The following PTGFR variants were observed in gnomAD, a reference collection of about 807,000 sequenced individuals.
PTGFR encodes the protein prostaglandin F2-alpha receptor.
A neutral mutation model predicts 26.2 loss-of-function variants in PTGFR; 15 were observed. The ratio of observed to expected loss-of-function variants is 0.57; its 90% CI spans 0.38 to 0.88. PTGFR has a LOEUF of 0.88. PTGFR is among the 40% of genes least tolerant of loss of function. The probability of loss-of-function intolerance (pLI) is 0.00; values close to 1 mark genes in which losing one functional copy is unlikely to be tolerated. For missense variants in PTGFR, 369 were observed against 427.2 expected (o/e 0.86, Z 1.20); for synonymous variants, 165 against 151.1 (o/e 1.09, Z -0.68).
intron 2 of PTGFR, among the ~76,000 whole-genome samples, chr1:78,526,538 CA>C (rs1402932535): frequency 6.6e-6 from 1 of 152,042 alleles, no homozygotes; most frequent in Non-Finnish European, 1.5e-5. Context: ...ACCTGGACGG[CA>C]GGATGAGAAC....
intron 2 of PTGFR, among the ~76,000 whole-genome samples, chr1:78,529,072 A>G (rs911822502): frequency 6.6e-6 from 1 of 152,212 alleles, no homozygotes; most frequent in African/African-American, 2.4e-5. Flanking sequence ...TAATTATTGT[A>G]CCACAACTTT....
chr1:78,529,859 T>C (rs913332440), intron 2 of PTGFR, among the ~76,000 whole-genome samples: 18 of 152,152 alleles, frequency 1.2e-4, no homozygotes, highest in African/African-American at 3.6e-4. Context: ...GTGGCGGCAT[T>C]AGATTCTCAT....
At chr1:78,523,589 G>A (rs189056393) in intron 2 of PTGFR, among the ~76,000 whole-genome samples, 3 of 141,534 alleles carry the variant, frequency 2.1e-5, no homozygotes, top group East Asian at 2.2e-4. Flanking sequence ...TCTGGCACAG[G>A]TAGGGTGGAT....
In PTGFR at chr1:78,493,426, T is replaced by C. The variant is rs1367159636; in HGVS notation, c.683T>C (p.Leu228Ser). ...AATGCAATCACAGGAATTACACTTT[T>C]AAGAGTTAAATTTAAAAGTCAGCAG... ...LCNAITGITL[L>S]RVKFKSQQHR... is the part of the protein sequence containing the mutation. Residue 228 changes from leucine to serine, a missense_variant, in exon 2 of 3, where the codon TTA (leucine) becomes TCA (serine). Coordinates refer to ENST00000370757, the MANE Select transcript of PTGFR (RefSeq NM_000959.4). 3 of 1,613,140 alleles carry C rather than the reference T, an allele frequency of 1.9e-6. No individual in the cohort carries two copies.
At chr1:78,513,208 C>CAGA (rs1650014251) in intron 2 of PTGFR, among the ~76,000 whole-genome samples, 1 of 152,004 alleles carries the variant, frequency 6.6e-6, no homozygotes, top group South Asian at 2.1e-4. Flanking sequence ...TTGGAGGGCT[C>CAGA]AGAAGAACAT....
Position 78,493,171 on chromosome 1 carries a change from A to G in PTGFR, c.428A>G (p.His143Arg). 1.2e-6 allele frequency: 2 copies of G among 1,614,196 alleles called. No homozygotes were observed. Among genetic ancestry groups the G allele is most frequent in the Non-Finnish European group, 1.7e-6 (2 of 1,180,034 alleles). ...ATTGGAGTCACAAAACCAATATTTC[A>G]TTCTACGAAAATTACATCCAAACAT... is the stretch of plus-strand genomic sequence containing the variant. ...RCIGVTKPIFHSTKITSKHVK... is the reference protein window; with the variant it reads ...RCIGVTKPIFRSTKITSKHVK... Residue 143 changes from histidine (H) to arginine (R), a missense_variant, in exon 2 of 3, where the codon CAT (histidine) becomes CGT (arginine). Physicochemically the swap from His to Arg is conservative, Grantham distance 29 (BLOSUM62 0). Transcript: ENST00000370757.
At position 78,492,748 on chromosome 1, in the gene PTGFR, C is replaced by G. The variant is rs1278137574; in HGVS notation, c.5C>G (p.Ser2Cys). 1 of 1,610,324 alleles carries G rather than the reference C, an allele frequency of 6.2e-7. No homozygotes were observed. The highest frequency in any genetic ancestry group is 8.5e-7 in the Non-Finnish European group (1 of 1,178,084). Residue 2 changes from serine to cysteine, a missense_variant, in exon 2 of 3, where the codon TCC becomes TGC. By Grantham distance (112) the Ser-to-Cys change is moderately radical (BLOSUM62 -1). Transcript: ENST00000370757. The stretch of plus-strand genomic sequence containing the variant: ...TTGGCTTTTATCTCCACAACAATGT[C>G]CATGAACAATTCCAAACAGCTAGTG... MSMNNSKQLVSP... is the reference protein window; with the variant it reads MCMNNSKQLVSP...
intron 2 of PTGFR, among the ~76,000 whole-genome samples, chr1:78,534,900 A>G (rs1650608752): frequency 6.6e-6 from 1 of 152,216 alleles, no homozygotes; most frequent in Non-Finnish European, 1.5e-5. Flanking sequence ...TACTAATGAT[A>G]AAGGATATTT....
intron 2 of PTGFR, among the ~76,000 whole-genome samples, chr1:78,525,521 G>C (rs1174715859): frequency 6.6e-6 from 1 of 151,888 alleles, no homozygotes; most frequent in Non-Finnish European, 1.5e-5. Flanking sequence ...TATATTAATG[G>C]GTATCATCAA....
chr1:78,496,780 T>A (rs1038231347), intron 2 of PTGFR, among the ~76,000 whole-genome samples: 6 of 152,202 alleles, frequency 3.9e-5, no homozygotes, highest in Non-Finnish European at 8.8e-5. Context: ...ATCATAATGT[T>A]TGAATTCTCT....
At chr1:78,498,146 C>T (rs1279667906) in intron 2 of PTGFR, among the ~76,000 whole-genome samples, 2 of 152,120 alleles carry the variant, frequency 1.3e-5, no homozygotes, top group East Asian at 3.9e-4. Context: ...TTCATAATGA[C>T]CAAGTCTTAA....
intron 2 of PTGFR, among the ~76,000 whole-genome samples, chr1:78,508,102 A>AT (rs1429671636): frequency 2.0e-5 from 3 of 151,724 alleles, no homozygotes; most frequent in East Asian, 1.9e-4. Flanking sequence ...TTTTAACCTG[A>AT]TTTTTTTTAA....
At position 78,504,773 on chromosome 1, in the gene PTGFR, G is replaced by A. The variant is rs1649788966; in HGVS notation, c.798+11232G>A. ...TAATGATCTGAATTTTCTATTGAAT[G>A]GTTAGCCAGTTGTCCTCAAATTATT... is the stretch of plus-strand genomic sequence containing the variant. On this transcript the variant is annotated intron_variant, in intron 2 of 2. Transcript: ENST00000370757. Among the ~76,000 whole-genome samples the A allele has an allele frequency of 7.2e-5, 11 of 152,174 alleles. No homozygotes were observed. In the South Asian group the frequency reaches 2.3e-3, roughly 32 times the overall value.
In PTGFR at chr1:78,523,312, A is replaced by G. The variant is rs529974002; in HGVS notation, c.799-13094A>G. Among the ~76,000 whole-genome samples the G allele has an allele frequency of 2.6e-5, 4 of 152,290 alleles. No homozygotes were observed. In the South Asian group the frequency reaches 8.3e-4, roughly 32 times the overall value. On this transcript the variant is annotated intron_variant, in intron 2 of 2. Transcript: ENST00000370757. ...CCAAATTGTCCTACAGAAAGATTGA[A>G]TTAATTTGCACATTTCCTTCCTCTT...
At chr1:78,518,798 T>A (rs1650156829) in intron 2 of PTGFR, among the ~76,000 whole-genome samples, 1 of 152,136 alleles carries the variant, frequency 6.6e-6, no homozygotes, top group Non-Finnish European at 1.5e-5. Context: ...GAGCAGAGAT[T>A]ATCATTTTAT....
intron 2 of PTGFR, among the ~76,000 whole-genome samples, chr1:78,508,087 T>A (rs900421250): frequency 6.6e-6 from 1 of 152,200 alleles, no homozygotes; most frequent in African/African-American, 2.4e-5. Context: ...ATACTCAGGA[T>A]ACTTTTTTAA....
At position 78,492,978 on chromosome 1, in the gene PTGFR, T is replaced by C; in HGVS notation, c.235T>C (p.Phe79Leu). ...CAGTGGCCTGGTAATCACTGATTTC[T>C]TTGGCCATCTCATCAATGGAGCCAT... ...LASGLVITDF[F>L]GHLINGAIAV... The change falls in exon 2 of 3, where the codon TTT becomes CTT. Residue 79 changes from phenylalanine (F) to leucine (L), a missense_variant. Coordinates refer to ENST00000370757, the MANE Select transcript of PTGFR (RefSeq NM_000959.4). 2 of 1,614,248 alleles carry C rather than the reference T, an allele frequency of 1.2e-6. No homozygotes were observed.
At chr1:78,526,563 T>C (rs1226166110) in intron 2 of PTGFR, among the ~76,000 whole-genome samples, 4 of 152,094 alleles carry the variant, frequency 2.6e-5, no homozygotes, top group Non-Finnish European at 2.9e-5. Context: ...AGTGATTTTA[T>C]TGGAATGAAG....
chr1:78,517,524 G>A (rs746132795), intron 2 of PTGFR, among the ~76,000 whole-genome samples: 4 of 152,156 alleles, frequency 2.6e-5, no homozygotes, highest in Admixed American at 6.6e-5. Flanking sequence ...TGACAAAAAG[G>A]AGCCAGCCAT....
Sources: allele counts gnomAD v4.1 joint callset (sites outside exome capture counted in the v4.1 genomes callset), GRCh38; gene constraint gnomAD v4.1.1; transcripts MANE v1.5; gene names NCBI Gene and HGNC (gene_info 2026-07-23, HGNC 2026-07-21).